Variants in TIAM1 observed in about 807,000 individuals in gnomAD.
TIAM1 encodes the protein rho guanine nucleotide exchange factor TIAM1.
TIAM1 carries 65 observed loss-of-function variants against 163.5 expected under a neutral mutation model. The observed-to-expected ratio is 0.40, with a 90% CI of 0.33 to 0.49. The LOEUF is 0.49. Ranked by LOEUF, TIAM1 falls within the 20% of genes least tolerant of loss-of-function variation. TIAM1 has a pLI of 0.77. For synonymous variants in TIAM1, 833 were observed against 810.1 expected (o/e 1.03, Z -0.48); for missense variants, 1,789 against 2,044.7 (o/e 0.87, Z 2.41).
chr21:31,344,780 A>G (rs1292620621), upstream of TIAM1, among the ~76,000 whole-genome samples: 4 of 152,224 alleles, frequency 2.6e-5, no homozygotes, highest in African/African-American at 9.6e-5. Flanking sequence ...AAAAGAATAT[A>G]ATGAACACCC....
chr21:31,509,255 A>T (rs1297107836), intron 1 of TIAM1, among the ~76,000 whole-genome samples: 1 of 152,146 alleles, frequency 6.6e-6, no homozygotes. Context: ...AACCACTACT[A>T]CAGCTGGGAG....
At chr21:31,297,388 T>C (rs753398253) in intron 2 of TIAM1, among the ~76,000 whole-genome samples, 77 of 152,124 alleles carry the variant, frequency 5.1e-4, no homozygotes, top group Admixed American at 1.3e-4. Flanking sequence ...GATGGCCACA[T>C]AACAGTGTGA....
At chr21:31,326,651 A>G (rs555769004) in intron 2 of TIAM1, among the ~76,000 whole-genome samples, 1 of 152,306 alleles carries the variant, frequency 6.6e-6, no homozygotes, top group East Asian at 1.9e-4. Context: ...GTGCGTGATC[A>G]TACACTTCCC....
chr21:31,255,217 G>C (rs1039024750), intron 4 of TIAM1, among the ~76,000 whole-genome samples: 2 of 152,160 alleles, frequency 1.3e-5, no homozygotes, highest in Non-Finnish European at 2.9e-5. Context: ...GAATGCTCTT[G>C]TCATCTGTGA....
chr21:31,462,869 A>G (rs1390735928), intron 2 of TIAM1, among the ~76,000 whole-genome samples: 2 of 151,898 alleles, frequency 1.3e-5, no homozygotes, highest in South Asian at 2.1e-4. Context: ...CAGCCTCCCA[A>G]GTAGCTGGGA....
chr21:31,388,821 G>A (rs1168313548), intron 2 of TIAM1, among the ~76,000 whole-genome samples: 2 of 152,206 alleles, frequency 1.3e-5, no homozygotes, highest in African/African-American at 2.4e-5. Context: ...AATTAAAATA[G>A]TAAGCACTCA....
chr21:31,388,941 C>T (rs1054880513), intron 2 of TIAM1, among the ~76,000 whole-genome samples: 5 of 152,226 alleles, frequency 3.3e-5, no homozygotes, highest in Non-Finnish European at 7.3e-5. Flanking sequence ...AGCACTGGCT[C>T]TGCTAAGCCA....
At chr21:31,198,821 C>G (rs1569011129) in intron 12 of TIAM1, among the ~76,000 whole-genome samples, 1 of 152,128 alleles carries the variant, frequency 6.6e-6, no homozygotes, top group Non-Finnish European at 1.5e-5. Context: ...GTGTCTTTTG[C>G]TGGTCTCAGA....
At chr21:31,142,088 T>C (rs73347787) in intron 20 of TIAM1, among the ~76,000 whole-genome samples, 5,132 of 152,152 alleles carry the variant, frequency 0.034, 277 homozygotes, top group African/African-American at 0.12. Context: ...GAAAGGCTCT[T>C]GGCCACATTT....
intron 2 of TIAM1, among the ~76,000 whole-genome samples, chr21:31,461,154 G>A (rs1244683983): frequency 1.3e-5 from 2 of 152,148 alleles, no homozygotes; most frequent in African/African-American, 2.4e-5. Context: ...GCTTTACTCT[G>A]TAAAAGAAGA....
chr21:31,252,070 T>G lies in TIAM1; in HGVS notation c.1083A>C (p.Thr361=). 1 of 1,614,044 alleles carries G rather than the reference T, an allele frequency of 6.2e-7. No homozygotes were observed. The highest frequency in any genetic ancestry group is 8.5e-7 in the Non-Finnish European group (1 of 1,180,022). The change falls in exon 5 of 28, where the codon ACA becomes ACC. Residue 361 remains threonine, a synonymous_variant. Coordinates refer to ENST00000541036, the MANE Select transcript of TIAM1 (RefSeq NM_001353694.2). ...NATNSSYSPT[T]GRAFVGSDSG... Reference sequence around the variant, plus strand: ...TGTCGCTGCCCACAAAGGCCCGGCCTGTGGTGGGTGAGTAGCTGGAGTTGG... The same window carrying G: ...TGTCGCTGCCCACAAAGGCCCGGCCGGTGGTGGGTGAGTAGCTGGAGTTGG...
rs1318787634 is a variant in TIAM1 at position 31,395,009 on chromosome 21, G to C, written c.-368-55587C>G. Among the ~76,000 whole-genome samples the C allele has an allele frequency of 6.6e-6, 1 of 152,116 alleles. No individual in the cohort carries two copies. The highest frequency in any genetic ancestry group is 2.4e-5 in the African/African-American group (1 of 41,416). ...CCCCAGCACTTTGGGAGGCCAAGGT[G>C]GGTGGATCACTTGAGGTCAGAAGTT... On this transcript the variant is annotated intron_variant, in intron 2 of 28. Coordinates refer to the TIAM1 transcript ENST00000286827. This position sits in a 1 kb window ranked among gnomAD's most constrained non-coding sequence, Gnocchi z 7.5.
intron 1 of TIAM1, among the ~76,000 whole-genome samples, chr21:31,508,546 C>A (rs1017719871): frequency 2.0e-5 from 3 of 152,076 alleles, no homozygotes; most frequent in African/African-American, 7.2e-5. Flanking sequence ...AAGCCACCAC[C>A]ACACCCAGCT....
chr21:31,127,318 G>C (rs1206000039), intron 25 of TIAM1, among the ~76,000 whole-genome samples, 166 bp from the exon 26 acceptor site: 1 of 151,998 alleles, frequency 6.6e-6, no homozygotes, highest in Non-Finnish European at 1.5e-5. Context: ...TGAAGCGACT[G>C]AAAGCTTAAT....
Position 31,430,137 on chromosome 21 carries a change from T to C in TIAM1, c.-369+33846A>G, listed in dbSNP as rs1172071732. Reference sequence around the variant, plus strand: ...AGGAGAATCGCTTGAACCCGGGAGATGGAGGTTGCAGTGAGCCGAGGTCGC... The same window carrying C: ...AGGAGAATCGCTTGAACCCGGGAGACGGAGGTTGCAGTGAGCCGAGGTCGC... On this transcript the variant is annotated intron_variant, in intron 2 of 28. Transcript: ENST00000286827. 3.4e-5 allele frequency among the ~76,000 whole-genome samples: 5 copies of C among 147,664 alleles called. No individual in the cohort carries two copies. In the Middle Eastern group the frequency reaches 0.011, roughly 319 times the overall value.
chr21:31,321,818 G>A (rs1357698931), intron 2 of TIAM1, among the ~76,000 whole-genome samples: 3 of 151,936 alleles, frequency 2.0e-5, no homozygotes, highest in African/African-American at 4.8e-5. Flanking sequence ...CAGCACTTTG[G>A]GAGGTGGACA....
In TIAM1 at chr21:31,127,075, A is replaced by C; in HGVS notation, c.4123T>G (p.Leu1375Val). 6.2e-7 allele frequency: 1 copy of C among 1,613,992 alleles called. No homozygotes were observed. Among genetic ancestry groups the C allele is most frequent in the Non-Finnish European group, 8.5e-7 (1 of 1,179,864 alleles). ...CAGGCCCAGGCTCACCTGCAGCACAAGTGAAAGACCCTCTCCGGCCTCCCT... is the reference window on the plus strand; with the variant it reads ...CAGGCCCAGGCTCACCTGCAGCACACGTGAAAGACCCTCTCCGGCCTCCCT... ...SEGRPERVFH[L>V]CCSSPESRKD... is the part of the protein sequence containing the mutation. Residue 1375 changes from leucine to valine, a missense_variant, in exon 26 of 28, where the codon TTG (leucine) becomes GTG (valine). Transcript: ENST00000541036.
chr21:31,268,383 T>G (rs1473927635), intron 3 of TIAM1, among the ~76,000 whole-genome samples: 2 of 152,228 alleles, frequency 1.3e-5, no homozygotes, highest in Non-Finnish European at 2.9e-5. Flanking sequence ...TGGAACACAA[T>G]ATACCTTCAC....
At chr21:31,176,420 TA>T (rs907970438) in intron 15 of TIAM1, among the ~76,000 whole-genome samples, 10 of 148,328 alleles carry the variant, frequency 6.7e-5, no homozygotes, top group African/African-American at 2.0e-4. Flanking sequence ...AACAAATGCT[TA>T]AAAAAAAAAC....
Sources: gnomAD v4.1 joint callset for allele counts (sites outside exome capture counted in the v4.1 genomes callset) on GRCh38, gnomAD v4.1.1 for gene constraint, Gnocchi (gnomAD v3.1) non-coding constraint, MANE v1.5 for transcripts, NCBI Gene and HGNC (gene_info 2026-07-23, HGNC 2026-07-21) for gene names.